TMTC4: variants seen among roughly 807,000 people sequenced by gnomAD.
The protein encoded by TMTC4 is transmembrane O-mannosyltransferase targeting cadherins 4, also known as protein O-mannosyl-transferase TMTC4.
In TMTC4, 65 loss-of-function variants were observed where a neutral mutation model predicts 86.0. The ratio of observed to expected loss-of-function variants is 0.76; its 90% confidence interval spans 0.62 to 0.93. The LOEUF (loss-of-function observed/expected upper bound fraction) is 0.93, where lower values mean the gene tolerates loss of function less well. TMTC4 is among the 40% of genes least tolerant of loss of function. TMTC4 has a pLI of 0.00. For missense variants in TMTC4, 866 were observed against 948.1 expected, an observed-to-expected ratio of 0.91 and a Z score of 1.14; for synonymous variants, 379 against 382.5, an observed-to-expected ratio of 0.99 and a Z score of 0.11.
At chr13:100,670,747 G>C (rs1312904171) in intron 1 of TMTC4, 178 bp from the exon 2 acceptor site, 2 of 193,434 alleles carry the variant, frequency 1.0e-5, no homozygotes, top group African/African-American at 4.7e-5. Flanking sequence ...CCAGAGGTTC[G>C]AGACCAGCCT....
chr13:100,631,702 C>A (rs138557326), intron 12 of TMTC4, among the ~76,000 whole-genome samples: 1 of 152,170 alleles, frequency 6.6e-6, no homozygotes, highest in African/African-American at 2.4e-5. Context: ...GAGCCAGTTG[C>A]CAATTTCTTA....
intron 15 of TMTC4, among the ~76,000 whole-genome samples, chr13:100,620,977 A>C (rs1020526421): frequency 6.6e-6 from 1 of 152,252 alleles, no homozygotes; most frequent in African/African-American, 2.4e-5. Context: ...TAATTAAACC[A>C]CAAGGGAAAG....
At chr13:100,674,615 G>T in intron 1 of TMTC4, 129 bp downstream of exon 1, 1 of 982,724 alleles carries the variant, frequency 1.0e-6, no homozygotes, top group Non-Finnish European at 1.2e-6. Flanking sequence ...CTCCAGCAGC[G>T]CCGCTCTGGC....
intron 7 of TMTC4, among the ~76,000 whole-genome samples, chr13:100,641,943 A>C (rs754682500): frequency 2.0e-5 from 3 of 152,212 alleles, no homozygotes; most frequent in Non-Finnish European, 4.4e-5. Flanking sequence ...GGGCCTCTCA[A>C]GAGCACTCAT....
At chr13:100,664,376 C>A in intron 3 of TMTC4, 40 bp from the exon 4 acceptor site, 1 of 1,501,442 alleles carries the variant, frequency 6.7e-7, no homozygotes, top group South Asian at 1.3e-5. Context: ...CAAGGGTCTC[C>A]CATCAGCCCT....
chr13:100,669,530 TA>T (rs1010004808), intron 2 of TMTC4, among the ~76,000 whole-genome samples: 7 of 152,194 alleles, frequency 4.6e-5, no homozygotes, highest in Non-Finnish European at 8.8e-5. Context: ...AGAGTCAAGA[TA>T]AAAATATATC....
At chr13:100,674,985 C>T (rs925801310), upstream of TMTC4, 66 of 985,596 alleles carry the variant, frequency 6.7e-5, no homozygotes, top group Middle Eastern at 1.0e-3. Context: ...CCAAGTCCCT[C>T]CTCAGCTCAT....
At chr13:100,618,836 CAGA>C (rs1878984967) in intron 15 of TMTC4, among the ~76,000 whole-genome samples, 1 of 152,224 alleles carries the variant, frequency 6.6e-6, no homozygotes, top group South Asian at 2.1e-4. Flanking sequence ...GATCCCAAGG[CAGA>C]AGAATTTTTC....
intron 6 of TMTC4, among the ~76,000 whole-genome samples, chr13:100,650,082 GA>G (rs561956866): frequency 0.1 from 14,446 of 144,564 alleles, 673 homozygotes; most frequent in Non-Finnish European, 0.11. Flanking sequence ...GAGAGGATGG[GA>G]AAAAAAAAAA....
At chr13:100,627,795 G>A (rs985262338) in intron 12 of TMTC4, among the ~76,000 whole-genome samples, 1 of 152,218 alleles carries the variant, frequency 6.6e-6, no homozygotes, top group Non-Finnish European at 1.5e-5. Flanking sequence ...GAGGGTGGCA[G>A]AGGTCACCAC....
intron 6 of TMTC4, among the ~76,000 whole-genome samples, chr13:100,648,992 A>C (rs1490450555): frequency 6.6e-6 from 1 of 152,074 alleles, no homozygotes; most frequent in East Asian, 1.9e-4. Context: ...CCCAGCTGCC[A>C]CTCAATATTT....
intron 4 of TMTC4, 109 bp from the exon 5 acceptor site, chr13:100,663,289 A>T: frequency 2.1e-6 from 2 of 947,990 alleles, no homozygotes; most frequent in South Asian, 2.9e-5. Context: ...GGAGAAGCGG[A>T]AGACTTTGTG....
chr13:100,623,900 G>C (rs1306884695), intron 15 of TMTC4: 6 of 498,108 alleles, frequency 1.2e-5, no homozygotes, highest in Admixed American at 8.2e-5. Context: ...TGGTGATGGA[G>C]GGGACTAAAT....
In TMTC4 at chr13:100,625,767, T is replaced by C; in HGVS notation, c.1694+18A>G. 2 of 1,610,974 alleles carry C rather than the reference T, an allele frequency of 1.2e-6. No homozygotes were observed. Among genetic ancestry groups the C allele is most frequent in the East Asian group, 2.2e-5 (1 of 44,874 alleles). On this transcript the variant is annotated intron_variant, in intron 14 of 18. Coordinates refer to ENST00000342624, the MANE Select transcript of TMTC4 (RefSeq NM_032813.5). ...CTCCTTTCTTTGTCACTAGCATAATTATAAAAACAATGCTTACTGTATTTG... is the reference window on the plus strand; with the variant it reads ...CTCCTTTCTTTGTCACTAGCATAATCATAAAAACAATGCTTACTGTATTTG...
intron 1 of TMTC4, chr13:100,673,999 T>C: frequency 1.0e-6 from 1 of 984,694 alleles, no homozygotes. Context: ...AACTCCTCCC[T>C]TCTTTTGTGT....
Position 100,606,573 on chromosome 13 carries a change from G to A in TMTC4, c.2065-146C>T, listed in dbSNP as rs570910059. ...TCCAGAAACACTCGGAAGGCCCAGCGGGGCCACGCTCTGCCAAAGAGAGGC... is the reference window on the plus strand; with the variant it reads ...TCCAGAAACACTCGGAAGGCCCAGCAGGGCCACGCTCTGCCAAAGAGAGGC... On this transcript the variant is annotated intron_variant, in intron 17 of 18. Coordinates refer to ENST00000342624, the MANE Select transcript of TMTC4 (RefSeq NM_032813.5). The A allele has an allele frequency of 3.3e-5, 22 of 661,252 alleles. No individual in the cohort carries two copies. In the Admixed American group the frequency reaches 4.1e-4, roughly 12 times the overall value. The allele number at this position is 661,252 out of a possible 1,614,324, so 41.0% of individuals were successfully genotyped here. A position where few individuals can be genotyped will look rare whatever the true frequency, so the allele number is the denominator to read the frequency against.
intron 17 of TMTC4, among the ~76,000 whole-genome samples, chr13:100,609,483 G>A (rs1244916230): frequency 6.6e-5 from 10 of 152,102 alleles, no homozygotes; most frequent in Admixed American, 6.6e-4. Flanking sequence ...AGGGCCATTG[G>A]AATTAGCACT....
In TMTC4 at chr13:100,651,402, GTTT is replaced by G. The variant is rs1884419398; in HGVS notation, c.640+4976_640+4978del. On this transcript the variant is annotated intron_variant, in intron 6 of 18. Coordinates refer to ENST00000342624, the MANE Select transcript of TMTC4 (RefSeq NM_032813.5). ...TCTCACTAGTGTTTTTTGTTTGTTT[GTTT>G]TTTTAAAGAAAATGTATGCTTCCTT... 1.4e-5 allele frequency among the ~76,000 whole-genome samples: 2 copies of G among 142,446 alleles called. 1 individual carries two copies. Among genetic ancestry groups the G allele is most frequent in the Admixed American group, 1.4e-4 (2 of 13,940 alleles). 93.5% of individuals were successfully genotyped at this position (142,446 alleles called of 152,430 possible).
chr13:100,669,662 C>G lies in TMTC4; in HGVS notation c.3+698G>C, dbSNP rs143502963. Among the ~76,000 whole-genome samples the G allele has an allele frequency of 5.4e-3, 822 of 152,256 alleles. 5 individuals are homozygous for G. Among genetic ancestry groups the G allele is most frequent in the South Asian group, 0.018 (89 of 4,818 alleles). On this transcript the variant is annotated intron_variant, in intron 2 of 18. Transcript: ENST00000342624. ...CAACCCCTTTCCTCTCTGAGCCCAC[C>G]CCCTGCGGCCCTCTGCAAAGCATCT...
Sources: gnomAD v4.1 joint callset for allele counts (sites outside exome capture counted in the v4.1 genomes callset) on GRCh38, gnomAD v4.1.1 for gene constraint, MANE v1.5 for transcripts, NCBI Gene and HGNC (gene_info 2026-07-23, HGNC 2026-07-21) for gene names.